The following FAT3 variants were observed in gnomAD, a reference collection of about 807,000 sequenced individuals.
The protein encoded by FAT3 is FAT atypical cadherin 3, also known as protocadherin Fat 3.
FAT3 carries 95 observed loss-of-function variants against 310.2 expected under a neutral mutation model. The ratio of observed to expected loss-of-function variants is 0.31; its 90% CI spans 0.26 to 0.36. FAT3 has a LOEUF of 0.36. Ranked by LOEUF, FAT3 falls within the 10% of genes least tolerant of loss-of-function variation. The pLI is 1.00. For missense variants in FAT3, 5,408 were observed against 5,715.6 expected (o/e 0.95, Z 1.74); for synonymous variants, 2,314 against 2,192.9 (o/e 1.06, Z -1.54).
Position 92,355,380 on chromosome 11 carries a change from A to C in FAT3, c.3268A>C (p.Arg1090=). 1 of 1,613,566 alleles carries C rather than the reference A, an allele frequency of 6.2e-7. No individual in the cohort carries two copies. The highest frequency in any genetic ancestry group is 2.2e-5 in the East Asian group (1 of 44,860). ...CATCAGGGATGGCAGTGGTCTTGGA[A>C]GGTTCAGTATAGACGACGAGAGTGG... The part of the protein sequence containing the change: ...YSIRDGSGLG[R]FSIDDESGVI... The change falls in exon 2 of 28, where the codon AGG becomes CGG. Residue 1090 remains arginine, a synonymous_variant. Coordinates refer to ENST00000525166, the MANE Select transcript of FAT3 (RefSeq NM_001367949.2).
chr11:92,742,880 T>A (rs1157214524), intron 4 of FAT3, among the ~76,000 whole-genome samples: 1 of 152,238 alleles, frequency 6.6e-6, no homozygotes, highest in Non-Finnish European at 1.5e-5. Context: ...TAAATTTATG[T>A]TGAATTAAGT....
intron 1 of FAT3, among the ~76,000 whole-genome samples, chr11:92,270,688 A>G (rs1040274669): frequency 4.0e-5 from 6 of 151,898 alleles, no homozygotes; most frequent in African/African-American, 1.4e-4. Flanking sequence ...CTTCACCTCA[A>G]TAAATAAATA....
chr11:92,504,141 C>T (rs1953030279), intron 2 of FAT3, among the ~76,000 whole-genome samples: 1 of 152,084 alleles, frequency 6.6e-6, no homozygotes, highest in African/African-American at 2.4e-5. Flanking sequence ...ACTGTCAGGT[C>T]CACATCATAT....
intron 1 of FAT3, among the ~76,000 whole-genome samples, chr11:92,304,489 C>G (rs1947072778): frequency 6.6e-6 from 1 of 152,060 alleles, no homozygotes; most frequent in Admixed American, 6.6e-5. Context: ...CTCATCCTTC[C>G]TCTCACAGAA....
chr11:92,275,986 A>AT (rs1004176488), intron 1 of FAT3, among the ~76,000 whole-genome samples: 2 of 41,132 alleles, frequency 4.9e-5, no homozygotes, highest in Non-Finnish European at 1.0e-4. Flanking sequence ...AAGTAACAAT[A>AT]TTTTTTAAAA....
In FAT3 at chr11:92,890,661, C is replaced by T. The variant is rs1417432061; in HGVS notation, c.13318C>T (p.Pro4440Ser). ...GYDIDSEYPP[P>S]HEEEFLSQDQ... Reference sequence around the variant, plus strand: ...TGACATTGACAGTGAATACCCACCCCCTCATGAAGAGGAGTTCTTGAGTCA... The same window carrying T: ...TGACATTGACAGTGAATACCCACCCTCTCATGAAGAGGAGTTCTTGAGTCA... Residue 4440 changes from proline (P) to serine (S), a missense_variant, in exon 28 of 28, where the codon CCT (proline) becomes TCT (serine). Coordinates refer to ENST00000525166, the MANE Select transcript of FAT3 (RefSeq NM_001367949.2). The T allele has an allele frequency of 6.2e-6, 10 of 1,613,706 alleles. No homozygotes were observed. The highest frequency in any genetic ancestry group is 8.5e-6 in the Non-Finnish European group (10 of 1,179,866).
At chr11:92,868,369 G>T (rs543990350) in intron 22 of FAT3, among the ~76,000 whole-genome samples, 1 of 152,240 alleles carries the variant, frequency 6.6e-6, no homozygotes, top group South Asian at 2.1e-4. Flanking sequence ...AATTTCTGTC[G>T]TCTCGATTTA....
chr11:92,229,492 GT>G lies in FAT3; in HGVS notation c.-18+4332del, dbSNP rs780129800. Among the ~76,000 whole-genome samples the G allele has an allele frequency of 5.8e-3, 352 of 60,244 alleles. 19 individuals are homozygous for G. The highest frequency in any genetic ancestry group is 0.017 in the African/African-American group (283 of 16,882). 39.5% of individuals were successfully genotyped at this position (60,244 alleles called of 152,430 possible). On this transcript the variant is annotated intron_variant, in intron 1 of 27. Coordinates refer to ENST00000525166, the MANE Select transcript of FAT3 (RefSeq NM_001367949.2). ...TTGTTTTCTTTTTTTGTTTTTTCGTGTTTTTTTTTTTTTTGTTTTTTGTTTT... is the reference window on the plus strand; with the variant it reads ...TTGTTTTCTTTTTTTGTTTTTTCGTGTTTTTTTTTTTTTGTTTTTTGTTTT...
intron 3 of FAT3, among the ~76,000 whole-genome samples, chr11:92,528,326 G>T (rs112213232): frequency 0.012 from 1,825 of 152,284 alleles, 40 homozygotes; most frequent in African/African-American, 0.04. Flanking sequence ...TCAATCAAAT[G>T]CAGCCTACCC....
chr11:92,659,364 G>A (rs1942693643), intron 3 of FAT3, among the ~76,000 whole-genome samples: 1 of 152,158 alleles, frequency 6.6e-6, no homozygotes, highest in South Asian at 2.1e-4. Context: ...TGATTTTGTT[G>A]TACATTGAGT....
intron 2 of FAT3, among the ~76,000 whole-genome samples, chr11:92,426,132 C>G (rs143269302): frequency 2.0e-4 from 30 of 152,250 alleles, no homozygotes; most frequent in Non-Finnish European, 4.0e-4. Context: ...CTCTAATGAC[C>G]AGTGATGATG....
intron 3 of FAT3, among the ~76,000 whole-genome samples, chr11:92,592,932 A>G (rs530578927): frequency 4.6e-5 from 7 of 152,218 alleles, no homozygotes; most frequent in African/African-American, 1.4e-4. Context: ...TCATTTTGCA[A>G]AACTGAAACC....
intron 3 of FAT3, among the ~76,000 whole-genome samples, chr11:92,645,039 GT>G (rs71305392): frequency 6.6e-6 from 1 of 152,010 alleles, no homozygotes; most frequent in African/African-American, 2.4e-5. Context: ...TCCAAAAAGT[GT>G]TTTTTTGATA....
intron 2 of FAT3, among the ~76,000 whole-genome samples, chr11:92,502,865 T>G (rs1952984559): frequency 6.6e-6 from 1 of 152,078 alleles, no homozygotes; most frequent in South Asian, 2.1e-4. Flanking sequence ...TGAATGCAAA[T>G]CCTGCTTCTA....
intron 2 of FAT3, among the ~76,000 whole-genome samples, chr11:92,382,386 A>T (rs1345575624): frequency 6.6e-6 from 1 of 152,124 alleles, no homozygotes; most frequent in Admixed American, 6.5e-5. Flanking sequence ...TACAGTTTTC[A>T]TTTGGTAAAT....
At chr11:92,829,988 GT>G (rs1948200599) in intron 13 of FAT3, among the ~76,000 whole-genome samples, 2 of 151,898 alleles carry the variant, frequency 1.3e-5, no homozygotes, top group Admixed American at 1.3e-4. Context: ...CAAATGAGGT[GT>G]TATAATAAGA....
At chr11:92,763,529 T>G (rs1946216298) in intron 5 of FAT3, among the ~76,000 whole-genome samples, 1 of 152,110 alleles carries the variant, frequency 6.6e-6, no homozygotes, top group African/African-American at 2.4e-5. Flanking sequence ...ACAGCTGCCC[T>G]GTTCTCCAGA....
At chr11:92,566,685 C>G (rs1034977266) in intron 3 of FAT3, among the ~76,000 whole-genome samples, 1 of 150,140 alleles carries the variant, frequency 6.7e-6, no homozygotes, top group African/African-American at 2.4e-5. Flanking sequence ...GGTACCAAAA[C>G]AGAGATACTG....
chr11:92,546,832 G>T (rs532699391), intron 3 of FAT3, among the ~76,000 whole-genome samples: 4 of 152,222 alleles, frequency 2.6e-5, no homozygotes, highest in South Asian at 2.1e-4. Flanking sequence ...TAGTTAAGAG[G>T]CTTCTCTCCC....
Sources: allele counts gnomAD v4.1 joint callset (sites outside exome capture counted in the v4.1 genomes callset), GRCh38; gene constraint gnomAD v4.1.1; transcripts MANE v1.5; gene names NCBI Gene and HGNC (gene_info 2026-07-23, HGNC 2026-07-21).